Variants in DOCK2 observed in about 807,000 individuals in gnomAD.
The protein encoded by DOCK2 is dedicator of cytokinesis protein 2.
A neutral mutation model predicts 248.9 loss-of-function variants in DOCK2; 87 were observed. The ratio of observed to expected loss-of-function variants is 0.35; its 90% CI spans 0.29 to 0.42. The LOEUF (loss-of-function observed/expected upper bound fraction) is 0.42. Ranked by LOEUF, DOCK2 falls within the 10% of genes least tolerant of loss-of-function variation. The pLI is 1.00. For missense variants in DOCK2, 1,747 were observed against 2,300.2 expected (o/e 0.76, Z 4.92); for synonymous variants, 805 against 821.6 (o/e 0.98, Z 0.35).
intron 27 of DOCK2, among the ~76,000 whole-genome samples, chr5:169,903,171 G>A (rs933422509): frequency 6.6e-6 from 1 of 151,938 alleles, no homozygotes; most frequent in African/African-American, 2.4e-5. Context: ...CAGCTACTGG[G>A]GAAGCTGAGG....
At chr5:169,769,821 A>G (rs1280562093) in intron 25 of DOCK2, among the ~76,000 whole-genome samples, 1 of 152,242 alleles carries the variant, frequency 6.6e-6, no homozygotes, top group Non-Finnish European at 1.5e-5. Context: ...ACAAATTTCC[A>G]TCATGACACT....
intron 25 of DOCK2, among the ~76,000 whole-genome samples, chr5:169,772,365 C>T (rs1176594146): frequency 2.6e-5 from 4 of 152,304 alleles, no homozygotes; most frequent in Admixed American, 1.3e-4. Flanking sequence ...TGCTTGGGCT[C>T]ATAAAGCTAC....
At chr5:170,026,394 A>G (rs77696886) in intron 33 of DOCK2, among the ~76,000 whole-genome samples, 6,654 of 152,228 alleles carry the variant, frequency 0.044, 215 homozygotes, top group Middle Eastern at 0.088. Flanking sequence ...CTCTTCATGC[A>G]TTGTCACATT....
Position 169,673,857 on chromosome 5 carries a change from G to A in DOCK2, c.322-440G>A, listed in dbSNP as rs773652822. ...GTTTGACCTTGTATCTTTGTACCAC[G>A]AAGAGCCATCTTGCTTCCCATAGGT... On this transcript the variant is annotated intron_variant, in intron 5 of 51. Transcript: ENST00000520908. Among the ~76,000 whole-genome samples, 111 of 152,264 alleles carry A rather than the reference G, an allele frequency of 7.3e-4. 1 individual carries two copies. The highest frequency in any genetic ancestry group is 1.5e-3 in the Non-Finnish European group (102 of 68,006).
intron 30 of DOCK2, among the ~76,000 whole-genome samples, chr5:170,001,793 A>G (rs1432658520): frequency 6.6e-6 from 1 of 152,232 alleles, no homozygotes; most frequent in African/African-American, 2.4e-5. Context: ...AGGAGACAGA[A>G]AATAAATTAA....
intron 22 of DOCK2, among the ~76,000 whole-genome samples, chr5:169,723,357 A>C (rs774191911): frequency 1.3e-5 from 2 of 152,166 alleles, no homozygotes; most frequent in Non-Finnish European, 2.9e-5. Context: ...CAAATTATTT[A>C]ATCTGCCTAA....
chr5:169,895,269 C>G (rs1182190692), intron 27 of DOCK2, among the ~76,000 whole-genome samples: 1 of 152,148 alleles, frequency 6.6e-6, no homozygotes, highest in East Asian at 1.9e-4. Context: ...CCTTCTTTCT[C>G]CTTTCCTCCC....
intron 1 of DOCK2, among the ~76,000 whole-genome samples, chr5:169,644,193 T>C (rs1386821261): frequency 6.6e-6 from 1 of 152,046 alleles, no homozygotes; most frequent in Non-Finnish European, 1.5e-5. Flanking sequence ...GAGGGGGACA[T>C]TGCAGGATTT....
At chr5:169,712,679 T>C (rs1761652158) in intron 17 of DOCK2, among the ~76,000 whole-genome samples, 2 of 152,180 alleles carry the variant, frequency 1.3e-5, no homozygotes, top group African/African-American at 2.4e-5. Context: ...ATCTCACATA[T>C]TTTCCTGAGT....
chr5:169,682,763 A>G (rs551409639), intron 7 of DOCK2, among the ~76,000 whole-genome samples: 2 of 152,340 alleles, frequency 1.3e-5, no homozygotes, highest in East Asian at 3.9e-4. Flanking sequence ...GACAATCAAG[A>G]TAAAGAACAC....
At chr5:169,882,554 C>T in intron 27 of DOCK2, 1 of 1,543,446 alleles carries the variant, frequency 6.5e-7, no homozygotes, top group Non-Finnish European at 8.8e-7. Flanking sequence ...TCTCCTTACC[C>T]TTCAGTGAGA....
intron 10 of DOCK2, among the ~76,000 whole-genome samples, chr5:169,696,714 C>T (rs184432108): frequency 6.6e-6 from 1 of 152,200 alleles, no homozygotes; most frequent in Admixed American, 6.5e-5. Flanking sequence ...TTTCAGGTTT[C>T]TCACTTCAAG....
chr5:169,981,329 C>T lies in DOCK2; in HGVS notation c.2800-1739C>T, dbSNP rs953475235. Reference sequence around the variant, plus strand: ...GTAAACCTGGGAGGAAATATATACACGTGTATATATACATACAGGCATACC... The same window carrying T: ...GTAAACCTGGGAGGAAATATATACATGTGTATATATACATACAGGCATACC... On this transcript the variant is annotated intron_variant, in intron 27 of 51. Coordinates refer to ENST00000520908, the MANE Select transcript of DOCK2 (RefSeq NM_004946.3). 6.6e-5 allele frequency among the ~76,000 whole-genome samples: 10 copies of T among 152,236 alleles called. No homozygotes were observed. The East Asian group carries it at 9.6e-4, about 15-fold the overall frequency.
Position 169,806,244 on chromosome 5 carries a change from A to G in DOCK2, c.2703+3038A>G, listed in dbSNP as rs552996475. ...GTTTTTTTTTTTTTTTTTTTGAGCC[A>G]GGTTTCTGCTTCTGCCTCCTGAGTA... is the stretch of plus-strand genomic sequence containing the variant. On this transcript the variant is annotated intron_variant, in intron 26 of 51. Transcript: ENST00000520908. Among the ~76,000 whole-genome samples, 688 of 117,558 alleles carry G rather than the reference A, an allele frequency of 5.9e-3. 6 individuals carry two copies. Among genetic ancestry groups the G allele is most frequent in the Middle Eastern group, 0.01 (2 of 192 alleles). 77.1% of individuals were successfully genotyped at this position (117,558 alleles called of 152,430 possible).
intron 9 of DOCK2, among the ~76,000 whole-genome samples, chr5:169,695,022 T>C (rs1760530619): frequency 6.6e-6 from 1 of 152,116 alleles, no homozygotes; most frequent in Non-Finnish European, 1.5e-5. Context: ...TGACTGCAGT[T>C]TCCTGACCCC....
chr5:169,938,616 G>GA (rs1561838577), intron 27 of DOCK2, among the ~76,000 whole-genome samples: 1 of 152,208 alleles, frequency 6.6e-6, no homozygotes, highest in African/African-American at 2.4e-5. Flanking sequence ...TGCTCTGAGT[G>GA]AATCAGTGAG....
chr5:170,052,130 C>T (rs13360445), intron 41 of DOCK2, among the ~76,000 whole-genome samples: 32,477 of 152,078 alleles, frequency 0.21, 4,290 homozygotes, highest in East Asian at 0.46. Context: ...GTTGACAGGT[C>T]GCAAGTCTGG....
At chr5:169,693,243 G>A (rs943109735) in intron 9 of DOCK2, among the ~76,000 whole-genome samples, 2 of 152,166 alleles carry the variant, frequency 1.3e-5, no homozygotes, top group Non-Finnish European at 2.9e-5. Context: ...AGCATTGGAG[G>A]GGAAGTGTGG....
intron 25 of DOCK2, among the ~76,000 whole-genome samples, chr5:169,799,278 T>G (rs529506907): frequency 1.3e-5 from 2 of 152,338 alleles, no homozygotes; most frequent in Admixed American, 1.3e-4. Context: ...AGAGGAAGAC[T>G]TTACCACTTT....
Sources: gnomAD v4.1 joint callset for allele counts (sites outside exome capture counted in the v4.1 genomes callset) on GRCh38, gnomAD v4.1.1 for gene constraint, MANE v1.5 for transcripts, NCBI Gene and HGNC (gene_info 2026-07-23, HGNC 2026-07-21) for gene names.